The following ATXN3 variants were observed in gnomAD, a reference collection of about 807,000 sequenced individuals.
ATXN3 encodes the protein ataxin 3.
ATXN3 carries 28 observed loss-of-function variants against 58.2 expected under a neutral mutation model. The observed-to-expected ratio is 0.48, with a 90% confidence interval of 0.36 to 0.66. ATXN3 has a LOEUF of 0.66. Ranked by LOEUF, ATXN3 falls within the 30% of genes least tolerant of loss-of-function variation. The probability of loss-of-function intolerance (pLI) is 0.00; values close to 1 mark genes in which losing one functional copy is unlikely to be tolerated. For synonymous variants in ATXN3, 113 were observed against 138.5 expected (o/e 0.82, Z 1.29); for missense variants, 321 against 422.1 (o/e 0.76, Z 2.10).
At position 92,093,236 on chromosome 14, in the gene ATXN3, G is replaced by T; in HGVS notation, c.387+16C>A. On this transcript the variant is annotated intron_variant, in intron 5 of 10. Transcript: ENST00000644486. The stretch of plus-strand genomic sequence containing the variant: ...CAATATAAGAAAAAAAGACAAGGAA[G>T]GGTAAGAAATGTTACCTGTTTTCCT... 1.4e-6 allele frequency: 2 copies of T among 1,476,406 alleles called. No individual in the cohort carries two copies. Among genetic ancestry groups the T allele is most frequent in the Non-Finnish European group, 9.4e-7 (1 of 1,068,720 alleles). The allele number at this position is 1,476,406 out of a possible 1,614,324, so 91.5% of individuals were successfully genotyped here.
chr14:92,049,099 G>A lies in ATXN3; in HGVS notation n.184+504C>T, dbSNP rs562490382. 7.9e-5 allele frequency among the ~76,000 whole-genome samples: 12 copies of A among 152,240 alleles called. No individual in the cohort carries two copies. In the South Asian group the frequency reaches 1.2e-3, roughly 16 times the overall value. ...TGTTGAGTTTGTATTGGGGCCAAGC[G>A]GTATTGCAGAAGAAAATAAGGCTTT... is the stretch of plus-strand genomic sequence containing the variant. On this transcript the variant is annotated intron_variant and non_coding_transcript_variant, in intron 1 of 2. Coordinates refer to the ATXN3 transcript ENST00000564606.
At chr14:92,083,514 T>C (rs2061844864) in intron 6 of ATXN3, 1 of 586,852 alleles carries the variant, frequency 1.7e-6, no homozygotes, top group African/African-American at 1.8e-5. Flanking sequence ...CTGTGAGAAA[T>C]AAATATGTCT....
Position 92,103,817 on chromosome 14 carries a change from T to C in ATXN3, c.24+2712A>G, listed in dbSNP as rs146144466. On this transcript the variant is annotated intron_variant, in intron 1 of 10. Transcript: ENST00000644486. ...TTGCAAGGCCCTTCGTAGGCAGATA[T>C]TGCTACCTACACAGCTTCTTTAGGG... is the stretch of plus-strand genomic sequence containing the variant. Among the ~76,000 whole-genome samples the C allele has an allele frequency of 1.3e-3, 202 of 152,294 alleles. 4 individuals carry two copies. The South Asian group carries it at 0.025, about 19-fold the overall frequency.
At chr14:92,077,132 G>C (rs1222922673) in intron 9 of ATXN3, among the ~76,000 whole-genome samples, 1 of 151,866 alleles carries the variant, frequency 6.6e-6, no homozygotes, top group Non-Finnish European at 1.5e-5. Flanking sequence ...TATAAGAATT[G>C]TTCATTGCAA....
downstream of ATXN3, among the ~76,000 whole-genome samples, chr14:92,056,965 C>T (rs1042156781): frequency 2.6e-5 from 4 of 152,214 alleles, no homozygotes; most frequent in East Asian, 1.9e-4. Context: ...GTAAAGAAGC[C>T]GGCTGAAAAA....
intron 9 of ATXN3, among the ~76,000 whole-genome samples, chr14:92,076,018 C>T (rs986797591): frequency 3.3e-5 from 5 of 152,276 alleles, no homozygotes; most frequent in East Asian, 1.9e-4. Flanking sequence ...GGAGGTATAT[C>T]GATATTCGAA....
In ATXN3 at chr14:92,060,257, T is replaced by G. The variant is rs1021947472; in HGVS notation, c.*4063A>C. The G allele has an allele frequency of 6.2e-5, 7 of 113,774 alleles. No homozygotes were observed. The highest frequency in any genetic ancestry group is 3.5e-4 in the Admixed American group (4 of 11,274). 7.0% of individuals were successfully genotyped at this position (113,774 alleles called of 1,614,324 possible). A position where few individuals can be genotyped will look rare whatever the true frequency, so the allele number is the denominator to read the frequency against. ...ACATATATATATACACACATATATA[T>G]ATATATATATATATTTTTTTTTTTC... On this transcript the variant is annotated 3_prime_UTR_variant, in exon 11 of 11. Transcript: ENST00000644486.
chr14:92,083,067 A>T, intron 7 of ATXN3, 59 bp downstream of exon 7: 1 of 1,545,250 alleles, frequency 6.5e-7, no homozygotes, highest in Non-Finnish European at 8.7e-7. Flanking sequence ...TAAGCATGAA[A>T]ATTTAATTCT....
rs1176980542 is a variant in ATXN3, at chr14:92,061,758, A to T, written c.*2562T>A. The T allele has an allele frequency of 6.6e-6, 1 of 152,222 alleles. No homozygotes were observed. The highest frequency in any genetic ancestry group is 1.5e-5 in the Non-Finnish European group (1 of 68,042). The allele number at this position is 152,222 out of a possible 1,614,324, so 9.4% of individuals were successfully genotyped here. On this transcript the variant is annotated 3_prime_UTR_variant, in exon 11 of 11. Transcript: ENST00000644486. ...TTGAATAATTTTTAACTTTTTTGAT[A>T]CTATGGTTACTTGCACTGGCATCTT...
chr14:92,097,627 G>A (rs867327072), intron 1 of ATXN3, among the ~76,000 whole-genome samples: 1 of 151,302 alleles, frequency 6.6e-6, no homozygotes, highest in African/African-American at 2.4e-5. Flanking sequence ...CTGAGTTCAC[G>A]CCATTCTCCT....
In ATXN3 at chr14:92,082,380, G is replaced by C. The variant is rs1382044854; in HGVS notation, c.695C>G (p.Ala232Gly). The change falls in exon 8 of 11, where the codon GCT becomes GGT. Residue 232 changes from alanine (A) to glycine (G), a missense_variant. Physicochemically the swap from Ala to Gly is moderately conservative, Grantham distance 60. Coordinates refer to ENST00000644486, the MANE Select transcript of ATXN3 (RefSeq NM_004993.6). ...AATTTCTTGGCGACTTAGTGCCAGA[G>C]CCCTCTGCAAATCCTCCTCATCTTC... Reference protein sequence around the residue: ...LDEDEEDLQRALALSRQEIDM... With the variant: ...LDEDEEDLQRGLALSRQEIDM... 6.2e-7 allele frequency: 1 copy of C among 1,613,592 alleles called. No homozygotes were observed. The highest frequency in any genetic ancestry group is 8.5e-7 in the Non-Finnish European group (1 of 1,179,612).
downstream of ATXN3, among the ~76,000 whole-genome samples, chr14:92,057,741 C>T (rs1019588796): frequency 6.6e-6 from 1 of 152,186 alleles, no homozygotes. Flanking sequence ...CCAATCACTA[C>T]ATTTGGATTC....
intron 1 of ATXN3, among the ~76,000 whole-genome samples, chr14:92,101,892 C>T (rs533550346): frequency 6.7e-5 from 10 of 149,656 alleles, no homozygotes; most frequent in South Asian, 2.1e-4. Flanking sequence ...TGGTAGCTCA[C>T]GCCTGTAATC....
intron 9 of ATXN3, among the ~76,000 whole-genome samples, chr14:92,073,084 G>A (rs1388606756): frequency 3.3e-5 from 5 of 152,210 alleles, no homozygotes; most frequent in Admixed American, 6.6e-5. Flanking sequence ...TGGCACATCT[G>A]CTATCACTCC....
At chr14:92,070,680 G>C (rs985153040) in intron 10 of ATXN3, 1 of 932,772 alleles carries the variant, frequency 1.1e-6, no homozygotes, top group African/African-American at 1.7e-5. Flanking sequence ...AAATGTTCTA[G>C]CAATCCTCTC....
At chr14:92,085,312 G>C (rs2062202442) in intron 6 of ATXN3, among the ~76,000 whole-genome samples, 1 of 151,662 alleles carries the variant, frequency 6.6e-6, no homozygotes, top group South Asian at 2.1e-4. Flanking sequence ...TCAGCCTCCC[G>C]AGTAGCTGGG....
At chr14:92,105,675 C>T (rs2068116744) in intron 1 of ATXN3, among the ~76,000 whole-genome samples, 1 of 152,186 alleles carries the variant, frequency 6.6e-6, no homozygotes, top group Non-Finnish European at 1.5e-5. Context: ...CACTCACACA[C>T]AAATGGCTGG....
chr14:92,050,440 C>T (rs1229827990), upstream of ATXN3: 1 of 152,270 alleles, frequency 6.6e-6, no homozygotes, highest in Admixed American at 6.5e-5. Flanking sequence ...GCAGCAAAAC[C>T]AACCCAGCAC....
At chr14:92,055,959 T>G (rs1462557901), downstream of ATXN3, among the ~76,000 whole-genome samples, 1 of 151,666 alleles carries the variant, frequency 6.6e-6, no homozygotes, top group Non-Finnish European at 1.5e-5. This position sits in a 1 kb window ranked among gnomAD's most constrained non-coding sequence, Gnocchi z 4.5. Flanking sequence ...AGGCCCTGTC[T>G]CAAAAAAAAA....
Sources: allele counts gnomAD v4.1 joint callset (sites outside exome capture counted in the v4.1 genomes callset), GRCh38; gene constraint gnomAD v4.1.1; non-coding constraint Gnocchi (gnomAD v3.1); transcripts MANE v1.5; gene names NCBI Gene and HGNC (gene_info 2026-07-23, HGNC 2026-07-21).